NECTIN1: variants seen among roughly 807,000 people sequenced by gnomAD.
NECTIN1 encodes the protein nectin cell adhesion molecule 1.
A neutral mutation model predicts 48.0 loss-of-function variants in NECTIN1; 23 were observed. That is an observed-to-expected ratio of 0.48 (90% confidence interval 0.34 to 0.68). The LOEUF is 0.68. Ranked by LOEUF, NECTIN1 falls within the 30% of genes least tolerant of loss-of-function variation. The pLI is 0.01. For missense variants in NECTIN1, 591 were observed against 709.9 expected, an observed-to-expected ratio of 0.83 and a Z score of 1.90; for synonymous variants, 270 against 288.9, an observed-to-expected ratio of 0.93 and a Z score of 0.66.
rs983912606 is a variant in NECTIN1 at position 119,709,783 on chromosome 11, G to T, written c.79+18692C>A. Reference sequence around the variant, plus strand: ...CAGGACGAGGCGGAGCGGGTTTGAGGGGGAGGACCTAGCTGGTTTTTCCCA... The same window carrying T: ...CAGGACGAGGCGGAGCGGGTTTGAGTGGGAGGACCTAGCTGGTTTTTCCCA... On this transcript the variant is annotated intron_variant, in intron 1 of 5. Coordinates refer to ENST00000264025, the MANE Select transcript of NECTIN1 (RefSeq NM_002855.5). The surrounding 1 kb of genome is among the most constrained non-coding windows in gnomAD (Gnocchi z 4.1). The T allele has an allele frequency of 5.3e-5, 8 of 152,212 alleles. No individual in the cohort carries two copies. The highest frequency in any genetic ancestry group is 1.4e-4 in the African/African-American group (6 of 41,420). 9.4% of individuals were successfully genotyped at this position (152,212 alleles called of 1,614,324 possible).
chr11:119,700,537 G>A (rs1037579609), intron 1 of NECTIN1, among the ~76,000 whole-genome samples: 2 of 152,144 alleles, frequency 1.3e-5, no homozygotes, highest in South Asian at 2.1e-4. Context: ...CTGCTCTGCA[G>A]CCACCCTCCA....
chr11:119,685,489 G>A (rs1385235105), intron 1 of NECTIN1, among the ~76,000 whole-genome samples: 3 of 152,238 alleles, frequency 2.0e-5, no homozygotes, highest in Non-Finnish European at 4.4e-5. Flanking sequence ...CAGTGATGGG[G>A]GTGCTCTGGC....
exon 7 of NECTIN1, chr11:119,638,741 T>G (rs139388001): frequency 6.2e-7 from 1 of 1,613,752 alleles, no homozygotes; most frequent in Non-Finnish European, 8.5e-7. Flanking sequence ...CTGGATATCC[T>G]CAGGCACAAG....
intron 5 of NECTIN1, among the ~76,000 whole-genome samples, chr11:119,651,013 G>T (rs1376846602): frequency 6.6e-6 from 1 of 152,178 alleles, no homozygotes; most frequent in Admixed American, 6.5e-5. Context: ...GTTCCATCAG[G>T]TTCCAAAGGT....
chr11:119,712,394 A>G (rs1865667637), intron 1 of NECTIN1, among the ~76,000 whole-genome samples: 1 of 146,384 alleles, frequency 6.8e-6, no homozygotes. Flanking sequence ...TAGTTTAATC[A>G]CCTAAGTAAA....
intron 7 of NECTIN1, chr11:119,638,284 C>A: frequency 6.2e-7 from 1 of 1,612,622 alleles, no homozygotes; most frequent in Non-Finnish European, 8.5e-7. Context: ...ACAGACCTTT[C>A]CATGCCCCTG....
chr11:119,701,633 C>T (rs1322264243), intron 1 of NECTIN1, among the ~76,000 whole-genome samples: 2 of 152,160 alleles, frequency 1.3e-5, no homozygotes, highest in Non-Finnish European at 1.5e-5. Flanking sequence ...CTCTTCCCTT[C>T]CTCCTGGCTC....
chr11:119,714,253 T>C (rs531003905), intron 1 of NECTIN1, among the ~76,000 whole-genome samples: 1 of 152,210 alleles, frequency 6.6e-6, no homozygotes, highest in South Asian at 2.1e-4. Context: ...GCCCCTGGAC[T>C]TCCAACTGCA....
chr11:119,663,187 G>C lies in NECTIN1; in HGVS notation c.*1560C>G. On this transcript the variant is annotated 3_prime_UTR_variant, in exon 6 of 6. Coordinates refer to ENST00000264025, the MANE Select transcript of NECTIN1 (RefSeq NM_002855.5). ...TGGAATCCCAGTGGGCAGGCATGAA[G>C]GGCCGCGAAGCCTGCCTCTCCATCC... 2.4e-5 allele frequency: 24 copies of C among 985,472 alleles called. No individual in the cohort carries two copies. Among genetic ancestry groups the C allele is most frequent in the Non-Finnish European group, 2.8e-5 (23 of 829,942 alleles). 61.0% of individuals were successfully genotyped at this position (985,472 alleles called of 1,614,324 possible).
intron 5 of NECTIN1, among the ~76,000 whole-genome samples, chr11:119,674,184 G>A (rs1010008844): frequency 1.3e-5 from 2 of 152,110 alleles, no homozygotes; most frequent in African/African-American, 4.8e-5. Context: ...AGTCTTCTGT[G>A]TCCCTGAGCA....
In NECTIN1 at chr11:119,684,051, G is replaced by A. The variant is rs1400520040; in HGVS notation, c.80-5286C>T. On this transcript the variant is annotated intron_variant, in intron 1 of 5. Coordinates refer to ENST00000264025, the MANE Select transcript of NECTIN1 (RefSeq NM_002855.5). This position sits in a 1 kb window ranked among gnomAD's most constrained non-coding sequence, Gnocchi z 5.2. ...GCCCTGCCTGCCATGGAGCTCATCC[G>A]CAAGCCAGTGCCACAGGTTCCCACG... 1.3e-5 allele frequency among the ~76,000 whole-genome samples: 2 copies of A among 152,186 alleles called. No homozygotes were observed. The highest frequency in any genetic ancestry group is 4.8e-5 in the African/African-American group (2 of 41,458).
intron 5 of NECTIN1, among the ~76,000 whole-genome samples, chr11:119,647,232 C>A (rs1591437759): frequency 5.4e-5 from 3 of 55,802 alleles, no homozygotes; most frequent in South Asian, 1.3e-3. Flanking sequence ...TGACTGTGAC[C>A]CCCTTTGGAA....
intron 1 of NECTIN1, among the ~76,000 whole-genome samples, chr11:119,682,103 T>G (rs1490967232): frequency 6.6e-6 from 1 of 152,138 alleles, no homozygotes; most frequent in African/African-American, 2.4e-5. Context: ...AGCCTCGTAT[T>G]AGGGGCTGCC....
chr11:119,704,852 G>C (rs1007170222), intron 1 of NECTIN1, among the ~76,000 whole-genome samples: 2 of 152,344 alleles, frequency 1.3e-5, no homozygotes, highest in Admixed American at 1.3e-4. Context: ...AGGTGTCCTG[G>C]GACCTTGGGC....
At chr11:119,716,482 A>G (rs1054694942) in intron 1 of NECTIN1, among the ~76,000 whole-genome samples, 1 of 152,098 alleles carries the variant, frequency 6.6e-6, no homozygotes, top group Non-Finnish European at 1.5e-5. Flanking sequence ...CAGCTAGGGG[A>G]ACTTGTTTAG....
chr11:119,662,349 C>G lies in NECTIN1; in HGVS notation c.*2398G>C. On this transcript the variant is annotated 3_prime_UTR_variant, in exon 6 of 6. Transcript: ENST00000264025. The surrounding 1 kb of genome is among the most constrained non-coding windows in gnomAD (Gnocchi z 5.3). The stretch of plus-strand genomic sequence containing the variant: ...TGCTGACTCCTGCCTCATGCCCACC[C>G]TCAGCCCAGGCTGGCAGCTGCTCGG... 1 of 985,852 alleles carries G rather than the reference C, an allele frequency of 1.0e-6. No homozygotes were observed. 61.1% of individuals were successfully genotyped at this position (985,852 alleles called of 1,614,324 possible).
chr11:119,722,667 G>A (rs1007599199), intron 1 of NECTIN1, among the ~76,000 whole-genome samples: 1 of 152,212 alleles, frequency 6.6e-6, no homozygotes, highest in Non-Finnish European at 1.5e-5. Context: ...TTACCCACAG[G>A]CAGCCAGGCT....
At chr11:119,660,657 C>T (rs913355556), downstream of NECTIN1, among the ~76,000 whole-genome samples, 2 of 152,136 alleles carry the variant, frequency 1.3e-5, no homozygotes, top group Admixed American at 1.3e-4. Context: ...TAGGAGGGCA[C>T]CAGCCGGCAC....
chr11:119,639,662 T>G, intron 6 of NECTIN1: 1 of 640,294 alleles, frequency 1.6e-6, no homozygotes, highest in Non-Finnish European at 2.7e-6. Flanking sequence ...CCTTTTGAAC[T>G]GGGGCGGTGC....
Sources: allele counts gnomAD v4.1 joint callset (sites outside exome capture counted in the v4.1 genomes callset), GRCh38; gene constraint gnomAD v4.1.1; non-coding constraint Gnocchi (gnomAD v3.1); transcripts MANE v1.5; gene names NCBI Gene and HGNC (gene_info 2026-07-23, HGNC 2026-07-21).